Variants in CD3E observed in about 807,000 individuals in gnomAD.
The protein encoded by CD3E is CD3 epsilon subunit of T-cell receptor complex, also known as T-cell surface glycoprotein CD3 epsilon chain.
In CD3E, 16 loss-of-function variants were observed where a neutral mutation model predicts 34.7. The observed-to-expected ratio is 0.46, with a 90% CI of 0.31 to 0.70. The LOEUF (loss-of-function observed/expected upper bound fraction) is 0.70, where lower values mean the gene tolerates loss of function less well. Ranked by LOEUF, CD3E falls within the 30% of genes least tolerant of loss-of-function variation. CD3E has a pLI of 0.05. For missense variants in CD3E, 223 were observed against 253.9 expected (o/e 0.88, Z 0.83); for synonymous variants, 70 against 90.8 (o/e 0.77, Z 1.30).
Position 118,312,735 on chromosome 11 carries a change from A to C in CD3E, c.221A>C (p.Asn74Thr), listed in dbSNP as rs1948142751. The stretch of plus-strand genomic sequence containing the variant: ...ATAGGCGGTGATGAGGATGATAAAA[A>C]CATAGGCAGTGATGAGGATCACCTG... ...KNIGGDEDDKNIGSDEDHLSL... is the reference protein window; with the variant it reads ...KNIGGDEDDKTIGSDEDHLSL... Residue 74 changes from asparagine to threonine, a missense_variant, in exon 6 of 9, where the codon AAC becomes ACC. Transcript: ENST00000361763. 3 of 1,614,112 alleles carry C rather than the reference A, an allele frequency of 1.9e-6. No homozygotes were observed. Among genetic ancestry groups the C allele is most frequent in the Non-Finnish European group, 2.5e-6 (3 of 1,180,034 alleles).
chr11:118,313,988 T>G (rs951155693), intron 7 of CD3E, 114 bp downstream of exon 7: 30 of 962,762 alleles, frequency 3.1e-5, no homozygotes, highest in African/African-American at 6.4e-5. Context: ...AGAGCTTCTA[T>G]GCACAGCTTC....
In CD3E at chr11:118,315,700, C is replaced by T. The variant is rs1204799569; in HGVS notation, c.*158C>T. ...CCAGCCTGATCCCCCGCTCCCTCCT[C>T]CCTGCCTTCTCTGCTGGTACCCAGT... On this transcript the variant is annotated 3_prime_UTR_variant, in exon 9 of 9. Coordinates refer to ENST00000361763, the MANE Select transcript of CD3E (RefSeq NM_000733.4). The T allele has an allele frequency of 1.4e-6, 1 of 693,142 alleles. No homozygotes were observed. Among genetic ancestry groups the T allele is most frequent in the Non-Finnish European group, 2.6e-6 (1 of 383,792 alleles). The allele number at this position is 693,142 out of a possible 1,614,324, so 42.9% of individuals were successfully genotyped here.
At chr11:118,314,217 A>G (rs1385392909) in intron 7 of CD3E, among the ~76,000 whole-genome samples, 2 of 152,314 alleles carry the variant, frequency 1.3e-5, no homozygotes, top group Admixed American at 1.3e-4. Context: ...ATGGAGAGAA[A>G]CAATGGGAGG....
At chr11:118,315,261 A>G (rs1948160005) in intron 8 of CD3E, among the ~76,000 whole-genome samples, 1 of 152,282 alleles carries the variant, frequency 6.6e-6, no homozygotes, top group South Asian at 2.1e-4. Flanking sequence ...AAGCCCTGGA[A>G]TGTGGGTCTT....
chr11:118,313,702 C>CA lies in CD3E; in HGVS notation c.353-4dup. 2 of 1,613,890 alleles carry CA rather than the reference C, an allele frequency of 1.2e-6. No individual in the cohort carries two copies. Among genetic ancestry groups the CA allele is most frequent in the South Asian group, 1.1e-5 (1 of 91,064 alleles). ...TTTCCCCTCTCCCCACCCCACCCCC[C>CA]ACAGTGTGTGAGAACTGCATGGAGA... On this transcript the variant is annotated splice_region_variant and splice_polypyrimidine_tract_variant and intron_variant, in intron 6 of 8. Transcript: ENST00000361763.
In CD3E at chr11:118,314,452, A is replaced by G; in HGVS notation, c.525A>G (p.Gln175=). The G allele has an allele frequency of 1.2e-6, 2 of 1,613,934 alleles. No homozygotes were observed. The highest frequency in any genetic ancestry group is 1.7e-6 in the Non-Finnish European group (2 of 1,179,858). ...TTTCCCCTCCTTCCTCCGCAGGACA[A>G]AACAAGGAGAGGCCACCACCTGTTC... ...GAGAGGRQRG[Q]NKERPPPVPN... The change falls in exon 8 of 9, where the codon CAA becomes CAG. Residue 175 remains glutamine, a synonymous_variant. Coordinates refer to ENST00000361763, the MANE Select transcript of CD3E (RefSeq NM_000733.4).
At chr11:118,307,771 G>C (rs1174958338) in intron 3 of CD3E, among the ~76,000 whole-genome samples, 1 of 152,156 alleles carries the variant, frequency 6.6e-6, no homozygotes, top group Admixed American at 6.5e-5. Flanking sequence ...TGCCCGGCCT[G>C]AACTTACTCT....
At position 118,313,823 on chromosome 11, in the gene CD3E, G is replaced by T. The variant is rs1344416489; in HGVS notation, c.469G>T (p.Ala157Ser). The T allele has an allele frequency of 1.2e-6, 2 of 1,614,038 alleles. No individual in the cohort carries two copies. Among genetic ancestry groups the T allele is most frequent in the South Asian group, 2.2e-5 (2 of 91,064 alleles). ...TTACTACTGGAGCAAGAATAGAAAG[G>T]CCAAGGCCAAGCCTGTGACACGAGG... ...LVYYWSKNRKAKAKPVTRGAG... is the reference protein window; with the variant it reads ...LVYYWSKNRKSKAKPVTRGAG... The change falls in exon 7 of 9, where the codon GCC becomes TCC. Residue 157 changes from alanine (A) to serine (S), a missense_variant. Transcript: ENST00000361763.
intron 4 of CD3E, 130 bp from the exon 5 acceptor site, chr11:118,312,023 T>C: frequency 7.6e-6 from 6 of 791,716 alleles, no homozygotes; most frequent in Non-Finnish European, 1.4e-5. Flanking sequence ...AGACTCGGGG[T>C]TCCTAAATGG....
intron 5 of CD3E, 127 bp from the exon 6 acceptor site, chr11:118,312,491 T>G: frequency 9.0e-7 from 1 of 1,114,552 alleles, no homozygotes; most frequent in East Asian, 2.3e-5. Context: ...AGAGCTCCCT[T>G]CTGACAAGCA....
At position 118,312,905 on chromosome 11, in the gene CD3E, A is replaced by G. The variant is rs374743733; in HGVS notation, c.352+39A>G. The G allele has an allele frequency of 2.5e-6, 4 of 1,613,044 alleles. No individual in the cohort carries two copies. The African/African-American group carries it at 5.3e-5, about 22-fold the overall frequency. ...CCAGAACAGGTACCACCGGCTCTTT[A>G]GGGAGGACCATTCAAAAGGGCATTC... On this transcript the variant is annotated intron_variant, in intron 6 of 8. Coordinates refer to ENST00000361763, the MANE Select transcript of CD3E (RefSeq NM_000733.4).
Position 118,315,599 on chromosome 11 carries a change from A to C in CD3E, c.*57A>C, listed in dbSNP as rs1591270374. ...AGGTCTCCTCTCCAGTCCCCCTGCGACTCCCTGTTTCCTGGGCTAGTCTTG... is the reference window on the plus strand; with the variant it reads ...AGGTCTCCTCTCCAGTCCCCCTGCGCCTCCCTGTTTCCTGGGCTAGTCTTG... On this transcript the variant is annotated 3_prime_UTR_variant, in exon 9 of 9. Transcript: ENST00000361763. 7.1e-7 allele frequency: 1 copy of C among 1,400,118 alleles called. No individual in the cohort carries two copies. Among genetic ancestry groups the C allele is most frequent in the African/African-American group, 1.4e-5 (1 of 69,300 alleles). 86.7% of individuals were successfully genotyped at this position (1,400,118 alleles called of 1,614,324 possible).
In CD3E at chr11:118,313,740, C is replaced by T. The variant is rs563868055; in HGVS notation, c.386C>T (p.Ser129Leu). The change falls in exon 7 of 9, where the codon TCG becomes TTG. Residue 129 changes from serine to leucine, a missense_variant. Physicochemically the swap from Ser to Leu is moderately radical, Grantham distance 145. Coordinates refer to ENST00000361763, the MANE Select transcript of CD3E (RefSeq NM_000733.4). ...AACTGCATGGAGATGGATGTGATGTCGGTGGCCACAATTGTCATAGTGGAC... is the reference window on the plus strand; with the variant it reads ...AACTGCATGGAGATGGATGTGATGTTGGTGGCCACAATTGTCATAGTGGAC... Reference protein sequence around the residue: ...CENCMEMDVMSVATIVIVDIC... With the variant: ...CENCMEMDVMLVATIVIVDIC... 1.1e-5 allele frequency: 18 copies of T among 1,614,100 alleles called. No homozygotes were observed. Among genetic ancestry groups the T allele is most frequent in the African/African-American group, 1.1e-4 (8 of 75,016 alleles).
rs770271724 is a variant in CD3E at position 118,314,494 on chromosome 11, G to A, written c.567G>A (p.Glu189=). ...CACCTGTTCCCAACCCAGACTATGAGGTAACGTGGGATAGAAATGGGCCAG... is the reference window on the plus strand; with the variant it reads ...CACCTGTTCCCAACCCAGACTATGAAGTAACGTGGGATAGAAATGGGCCAG... The part of the protein sequence containing the change: ...RPPPVPNPDY[E]PIRKGQRDLY... The change falls in exon 8 of 9, where the codon GAG becomes GAA. Residue 189 remains glutamate, a splice_region_variant and synonymous_variant. Transcript: ENST00000361763. The A allele has an allele frequency of 6.2e-7, 1 of 1,613,878 alleles. No individual in the cohort carries two copies. The highest frequency in any genetic ancestry group is 8.5e-7 in the Non-Finnish European group (1 of 1,179,804).
rs113849241 is a variant in CD3E, at chr11:118,308,387, T to C, written c.71-40T>C. The C allele has an allele frequency of 7.7e-6, 12 of 1,551,560 alleles. No individual in the cohort carries two copies. The African/African-American group carries it at 1.1e-4, about 14-fold the overall frequency. Reference sequence around the variant, plus strand: ...AGCAGGGTCTGATCTTCATTGCCGATAGAAACATTACTAATGGCTTCTTAC... The same window carrying C: ...AGCAGGGTCTGATCTTCATTGCCGACAGAAACATTACTAATGGCTTCTTAC... On this transcript the variant is annotated intron_variant, in intron 3 of 8. Transcript: ENST00000361763.
chr11:118,309,661 A>G (rs1359408187), intron 4 of CD3E, among the ~76,000 whole-genome samples: 1 of 152,260 alleles, frequency 6.6e-6, no homozygotes, highest in African/African-American at 2.4e-5. Flanking sequence ...GATAAGCATT[A>G]AAGTTTACTG....
At chr11:118,307,211 C>A in intron 2 of CD3E, 77 bp from the exon 3 acceptor site, 2 of 1,142,220 alleles carry the variant, frequency 1.8e-6, no homozygotes, top group Non-Finnish European at 2.6e-6. Context: ...CATACTGCAA[C>A]ACAGCCCTTT....
Position 118,313,853 on chromosome 11 carries a change from G to A in CD3E, c.499G>A (p.Gly167Ser), listed in dbSNP as rs368489854. Residue 167 changes from glycine (G) to serine (S), a missense_variant, in exon 7 of 9, where the codon GGT becomes AGT. By Grantham distance (56) the Gly-to-Ser change is moderately conservative. Transcript: ENST00000361763. ...AKAKPVTRGA[G>S]AGGRQRGQNK... Reference sequence around the variant, plus strand: ...GGCCAAGCCTGTGACACGAGGAGCGGGTGCTGGCGGCAGGCAAAGGGGTAA... The same window carrying A: ...GGCCAAGCCTGTGACACGAGGAGCGAGTGCTGGCGGCAGGCAAAGGGGTAA... 5 of 1,613,444 alleles carry A rather than the reference G, an allele frequency of 3.1e-6. No homozygotes were observed. In the African/African-American group the frequency reaches 6.7e-5, roughly 22 times the overall value.
intron 4 of CD3E, among the ~76,000 whole-genome samples, chr11:118,309,358 C>T (rs577617812): frequency 3.8e-4 from 58 of 152,228 alleles, no homozygotes; most frequent in African/African-American, 1.4e-3. Context: ...GGAGGATCAC[C>T]TGAGGTCAGG....
Sources: gnomAD v4.1 joint callset for allele counts (sites outside exome capture counted in the v4.1 genomes callset) on GRCh38, gnomAD v4.1.1 for gene constraint, MANE v1.5 for transcripts, NCBI Gene and HGNC (gene_info 2026-07-23, HGNC 2026-07-21) for gene names.